Variants in NPTX2 observed in about 807,000 individuals in gnomAD.
The protein encoded by NPTX2 is neuronal pentraxin-2.
In NPTX2, 23 loss-of-function variants were observed where a neutral mutation model predicts 38.1. The ratio of observed to expected loss-of-function variants is 0.60; its 90% CI spans 0.43 to 0.85. The LOEUF (loss-of-function observed/expected upper bound fraction) is 0.85, where lower values mean the gene tolerates loss of function less well. NPTX2 is among the 40% of genes least tolerant of loss of function. The probability of loss-of-function intolerance (pLI) is 0.00; values close to 1 mark genes in which losing one functional copy is unlikely to be tolerated. For missense variants in NPTX2, 553 were observed against 615.3 expected, an observed-to-expected ratio of 0.90 and a Z score of 1.07; for synonymous variants, 291 against 287.3, an observed-to-expected ratio of 1.01 and a Z score of -0.13.
intron 4 of NPTX2, 122 bp from the exon 5 acceptor site, chr7:98,628,280 A>G: frequency 1.7e-6 from 1 of 589,412 alleles, no homozygotes; most frequent in Non-Finnish European, 3.1e-6. Context: ...ACCTACAGAA[A>G]CAGGTAGTGT....
At chr7:98,620,416 G>A (rs907059194) in intron 2 of NPTX2, among the ~76,000 whole-genome samples, 2 of 152,144 alleles carry the variant, frequency 1.3e-5, no homozygotes, top group African/African-American at 2.4e-5. Context: ...GACTTTGGCC[G>A]AGGTGGGGCA....
In NPTX2 at chr7:98,624,952, T is replaced by A. The variant is rs1397757455; in HGVS notation, c.674T>A (p.Phe225Tyr). 2 of 1,613,588 alleles carry A rather than the reference T, an allele frequency of 1.2e-6. No homozygotes were observed. Among genetic ancestry groups the A allele is most frequent in the Admixed American group, 3.3e-5 (2 of 60,008 alleles). The change falls in exon 3 of 5, where the codon TTC (phenylalanine) becomes TAC (tyrosine). Residue 225 changes from phenylalanine (F) to tyrosine (Y), a missense_variant. Coordinates refer to ENST00000265634, the MANE Select transcript of NPTX2 (RefSeq NM_002523.3). ...AGCGCCTTTAAGTCACCAGATGCGT[T>A]CAAGGTGTCCCTCCCACTCCGCACA... is the stretch of plus-strand genomic sequence containing the variant. ...GNSAFKSPDA[F>Y]KVSLPLRTNY...
intron 3 of NPTX2, 134 bp downstream of exon 3, chr7:98,625,300 C>T: frequency 8.1e-7 from 1 of 1,241,900 alleles, no homozygotes; most frequent in Non-Finnish European, 1.1e-6. Flanking sequence ...CGGGGCTGTC[C>T]TCCTCGAGGT....
intron 3 of NPTX2, 26 bp from the exon 4 acceptor site, chr7:98,627,139 C>A: frequency 1.3e-6 from 2 of 1,582,202 alleles, no homozygotes; most frequent in Non-Finnish European, 1.7e-6. Flanking sequence ...CCCAGCAGGT[C>A]CTTACCTGCA....
In NPTX2 at chr7:98,628,593, C is replaced by A. The variant is rs531238339; in HGVS notation, c.1260C>A (p.Pro420=). The part of the protein sequence containing the change: ...VDVFGGASKW[P]VETCEERLLD... The stretch of plus-strand genomic sequence containing the variant: ...TGTTCGGAGGGGCCTCCAAGTGGCC[C>A]GTGGAGACGTGTGAGGAGCGTCTCC... Residue 420 remains proline, a synonymous_variant, in exon 5 of 5, where the codon CCC becomes CCA. Coordinates refer to ENST00000265634, the MANE Select transcript of NPTX2 (RefSeq NM_002523.3). 2 of 1,591,640 alleles carry A rather than the reference C, an allele frequency of 1.3e-6. No homozygotes were observed. The highest frequency in any genetic ancestry group is 1.3e-5 in the African/African-American group (1 of 74,548).
intron 2 of NPTX2, among the ~76,000 whole-genome samples, chr7:98,621,175 A>C (rs1258814512): frequency 1.3e-5 from 2 of 152,060 alleles, no homozygotes; most frequent in African/African-American, 4.8e-5. Flanking sequence ...AGCCATCATC[A>C]TGGCTTTGGC....
At chr7:98,619,337 C>A (rs991264192) in intron 1 of NPTX2, among the ~76,000 whole-genome samples, 5 of 152,046 alleles carry the variant, frequency 3.3e-5, no homozygotes, top group Admixed American at 2.6e-4. Context: ...TTGGTCTCTA[C>A]CCAACATAGA....
intron 2 of NPTX2, among the ~76,000 whole-genome samples, chr7:98,620,732 G>A (rs1386969501): frequency 1.3e-5 from 2 of 152,114 alleles, no homozygotes; most frequent in Non-Finnish European, 2.9e-5. Context: ...ACAGGTGAGC[G>A]TGGCTCCGTG....
chr7:98,625,232 C>G, intron 3 of NPTX2, 66 bp downstream of exon 3: 1 of 1,530,028 alleles, frequency 6.5e-7, no homozygotes, highest in Non-Finnish European at 8.8e-7. Flanking sequence ...CCACAGCCCC[C>G]ACCCCAGCCG....
At chr7:98,621,983 G>A (rs953200723) in intron 2 of NPTX2, among the ~76,000 whole-genome samples, 1 of 152,164 alleles carries the variant, frequency 6.6e-6, no homozygotes, top group African/African-American at 2.4e-5. Flanking sequence ...CCTGACCCCT[G>A]GCATATGGAT....
chr7:98,619,902 T>A, intron 2 of NPTX2, 43 bp downstream of exon 2: 4 of 1,555,764 alleles, frequency 2.6e-6, no homozygotes, highest in Non-Finnish European at 3.5e-6. Flanking sequence ...TGGCCTGATT[T>A]TCACCACTTG....
chr7:98,628,871 G>A lies in NPTX2; in HGVS notation c.*242G>A, dbSNP rs966616240. The A allele has an allele frequency of 5.1e-6, 2 of 391,220 alleles. No homozygotes were observed. The highest frequency in any genetic ancestry group is 9.1e-6 in the Non-Finnish European group (2 of 219,772). 24.2% of individuals were successfully genotyped at this position (391,220 alleles called of 1,614,324 possible). A position where few individuals can be genotyped will look rare whatever the true frequency, so the allele number is the denominator to read the frequency against. ...CTGGGAAGATGCCCCCAAGACACCT[G>A]CCCCAAGTGGGTGGATATCTGCCTT... On this transcript the variant is annotated 3_prime_UTR_variant, in exon 5 of 5. Coordinates refer to ENST00000265634, the MANE Select transcript of NPTX2 (RefSeq NM_002523.3).
chr7:98,617,587 G>GGC lies in NPTX2; in HGVS notation c.126_127insGC (p.Leu43AlafsTer18). The stretch of plus-strand genomic sequence containing the variant: ...CAGAGGCGGTGCACGCCGGCTGCCC[G>GGC]CTGCCCGCGATGCCCATGCAGGGCG... On this transcript the variant is annotated frameshift_variant, in exon 1 of 5. Coordinates refer to ENST00000265634, the MANE Select transcript of NPTX2 (RefSeq NM_002523.3). LOFTEE classifies it high-confidence loss of function. The GGC allele has an allele frequency of 6.7e-7, 1 of 1,483,200 alleles. No homozygotes were observed. The highest frequency in any genetic ancestry group is 1.3e-5 in the South Asian group (1 of 78,944). The allele number at this position is 1,483,200 out of a possible 1,614,324, so 91.9% of individuals were successfully genotyped here.
chr7:98,617,639 AG>A lies in NPTX2; in HGVS notation c.181del (p.Ala61ProfsTer31). On this transcript the variant is annotated frameshift_variant, in exon 1 of 5. Coordinates refer to ENST00000265634, the MANE Select transcript of NPTX2 (RefSeq NM_002523.3). LOFTEE classifies it high-confidence loss of function. ...CGCGCAGAGTCCCGAGGAGGAGCTG[AG>A]GGCCGCGGTGCTGCAGCTGCGCGAG... is the stretch of plus-strand genomic sequence containing the variant. ...GGAQSPEEEL[R>X]AAVLQLRETV... The A allele has an allele frequency of 6.7e-7, 1 of 1,489,842 alleles. No homozygotes were observed. The highest frequency in any genetic ancestry group is 8.9e-7 in the Non-Finnish European group (1 of 1,128,394). The allele number at this position is 1,489,842 out of a possible 1,614,324, so 92.3% of individuals were successfully genotyped here.
Position 98,619,668 on chromosome 7 carries a change from A to G in NPTX2, c.452A>G (p.Asn151Ser), listed in dbSNP as rs561845364. The change falls in exon 2 of 5, where the codon AAT becomes AGT. Residue 151 changes from asparagine to serine, a missense_variant. Physicochemically the swap from Asn to Ser is conservative, Grantham distance 46. Coordinates refer to ENST00000265634, the MANE Select transcript of NPTX2 (RefSeq NM_002523.3). ...CACCAGCTCAGAGCAAACGTGTCCA[A>G]TGCTGGGCTGCCCGGCGACTTCCGC... is the stretch of plus-strand genomic sequence containing the variant. ...LEHQLRANVS[N>S]AGLPGDFREV... The G allele has an allele frequency of 4.5e-5, 73 of 1,613,140 alleles. No homozygotes were observed. The highest frequency in any genetic ancestry group is 6.6e-5 in the South Asian group (6 of 91,052).
chr7:98,628,001 T>C (rs1296280303), intron 4 of NPTX2, among the ~76,000 whole-genome samples: 1 of 152,158 alleles, frequency 6.6e-6, no homozygotes, highest in Non-Finnish European at 1.5e-5. Flanking sequence ...CATTCCAGTC[T>C]GTATTTGGGT....
At chr7:98,625,240 C>T (rs1791330474) in intron 3 of NPTX2, 74 bp downstream of exon 3, 4 of 1,512,074 alleles carry the variant, frequency 2.6e-6, no homozygotes, top group African/African-American at 2.7e-5. Context: ...CCCACCCCAG[C>T]CGTCCTCGCC....
chr7:98,619,636 C>A lies in NPTX2; in HGVS notation c.427-7C>A. The stretch of plus-strand genomic sequence containing the variant: ...TGTGCCCCTCCCTCCTCCCCGGTGG[C>A]TGAAAGCACCAGCTCAGAGCAAACG... On this transcript the variant is annotated splice_region_variant and splice_polypyrimidine_tract_variant and intron_variant, in intron 1 of 4. Coordinates refer to ENST00000265634, the MANE Select transcript of NPTX2 (RefSeq NM_002523.3). 1 of 1,603,788 alleles carries A rather than the reference C, an allele frequency of 6.2e-7. No homozygotes were observed. Among genetic ancestry groups the A allele is most frequent in the South Asian group, 1.1e-5 (1 of 90,942 alleles).
chr7:98,625,090 C>T lies in NPTX2; in HGVS notation c.812C>T (p.Ala271Val), dbSNP rs1467221748. The T allele has an allele frequency of 3.1e-6, 5 of 1,612,712 alleles. No individual in the cohort carries two copies. Among genetic ancestry groups the T allele is most frequent in the Admixed American group, 1.7e-5 (1 of 60,018 alleles). ...GGCATTGGCACCCCCTTCTCCTATG[C>T]GGTGCCAGGGCAGGCCAACGAGATC... ...SPGIGTPFSY[A>V]VPGQANEIVL... Residue 271 changes from alanine (A) to valine (V), a missense_variant, in exon 3 of 5, where the codon GCG becomes GTG. Ala to Val is a moderately conservative substitution (Grantham distance 64). Transcript: ENST00000265634.
Sources: allele counts gnomAD v4.1 joint callset (sites outside exome capture counted in the v4.1 genomes callset), GRCh38; gene constraint gnomAD v4.1.1; transcripts MANE v1.5; gene names NCBI Gene and HGNC (gene_info 2026-07-23, HGNC 2026-07-21).